The following DAPK2 variants were observed in gnomAD, a reference collection of about 807,000 sequenced individuals.
DAPK2 encodes death associated protein kinase 2, also known as death-associated protein kinase 2.
DAPK2 carries 35 observed loss-of-function variants against 44.1 expected under a neutral mutation model. The observed-to-expected ratio is 0.79, with a 90% CI of 0.61 to 1.05. DAPK2 has a LOEUF of 1.05. DAPK2 is among the 50% of genes least tolerant of loss of function. The probability of loss-of-function intolerance (pLI) is 0.00; values close to 1 mark genes in which losing one functional copy is unlikely to be tolerated. For synonymous variants in DAPK2, 174 were observed against 182.6 expected (o/e 0.95, Z 0.38); for missense variants, 453 against 483.2 (o/e 0.94, Z 0.59).
In DAPK2 at chr15:63,908,821, C is replaced by T; in HGVS notation, c.1033-221G>A. On this transcript the variant is annotated intron_variant, in intron 10 of 10. Transcript: ENST00000261891. The surrounding 1 kb of genome is among the most constrained non-coding windows in gnomAD (Gnocchi z 5.7). ...GCTTGGAGGAAGGAAAGCAGCAGGG[C>T]ATCTAAGGGAAACCAGACATCAGGA... is the stretch of plus-strand genomic sequence containing the variant. 1 of 393,270 alleles carries T rather than the reference C, an allele frequency of 2.5e-6. No homozygotes were observed. Among genetic ancestry groups the T allele is most frequent in the East Asian group, 4.1e-5 (1 of 24,188 alleles). The allele number at this position is 393,270 out of a possible 1,614,324, so 24.4% of individuals were successfully genotyped here.
intron 1 of DAPK2, among the ~76,000 whole-genome samples, chr15:64,025,777 A>T (rs2079822974): frequency 6.6e-6 from 1 of 152,256 alleles, no homozygotes; most frequent in Non-Finnish European, 1.5e-5. Flanking sequence ...AATTCAAAAT[A>T]TAATAATAAT....
chr15:63,918,221 T>C (rs2146539641), intron 8 of DAPK2: 1 of 152,472 alleles, frequency 6.6e-6, no homozygotes, highest in South Asian at 2.1e-4. Context: ...AGCCACCATC[T>C]TCATGATCAC....
At chr15:63,910,711 TTTTG>T (rs1359414496) in intron 10 of DAPK2, 6 of 152,212 alleles carry the variant, frequency 3.9e-5, no homozygotes, top group South Asian at 2.1e-4. Flanking sequence ...TGGCTAATTT[TTTTG>T]TTTGTTTGTT....
Position 64,013,405 on chromosome 15 carries a change from G to A in DAPK2, c.92+26765C>T, listed in dbSNP as rs1052052259. Among the ~76,000 whole-genome samples, 1 of 152,202 alleles carries A rather than the reference G, an allele frequency of 6.6e-6. No homozygotes were observed. The highest frequency in any genetic ancestry group is 1.5e-5 in the Non-Finnish European group (1 of 68,038). ...GAACTAACAGCTTAAACTACACTAC[G>A]TGCCTTTAAGACTTAGTAATTGGGC... On this transcript the variant is annotated intron_variant, in intron 1 of 10. Coordinates refer to ENST00000261891, the Ensembl canonical transcript of DAPK2. The surrounding 1 kb of genome is among the most constrained non-coding windows in gnomAD (Gnocchi z 4.7).
chr15:64,008,268 C>T (rs1034746473), intron 1 of DAPK2, among the ~76,000 whole-genome samples: 1 of 152,198 alleles, frequency 6.6e-6, no homozygotes, highest in Admixed American at 6.5e-5. Context: ...GTGATATCAA[C>T]TCTACCCTAT....
intron 1 of DAPK2, among the ~76,000 whole-genome samples, chr15:64,024,665 T>C (rs571521786): frequency 6.6e-6 from 1 of 152,278 alleles, no homozygotes; most frequent in East Asian, 1.9e-4. Context: ...GAGCCTATCC[T>C]TCTGCCTGGG....
intron 1 of DAPK2, chr15:63,991,149 A>G (rs1034315408): frequency 2.3e-6 from 1 of 438,392 alleles, no homozygotes; most frequent in African/African-American, 2.0e-5. Flanking sequence ...GTGAAGAAAT[A>G]TAACGTTATC....
intron 1 of DAPK2, among the ~76,000 whole-genome samples, chr15:64,003,420 C>T (rs1165293537): frequency 6.6e-6 from 1 of 152,250 alleles, no homozygotes; most frequent in African/African-American, 2.4e-5. Context: ...ACACACTTTG[C>T]AGACTGCAAA....
In DAPK2 at chr15:63,924,810, C is replaced by T; in HGVS notation, c.858+6G>A. The T allele has an allele frequency of 6.2e-7, 1 of 1,614,128 alleles. No homozygotes were observed. Among genetic ancestry groups the T allele is most frequent in the South Asian group, 1.1e-5 (1 of 91,078 alleles). On this transcript the variant is annotated splice_donor_region_variant and intron_variant, in intron 8 of 10. Transcript: ENST00000261891. ...TGCCCATTGGAACTCATGGCTGTGC[C>T]CTTACCGTGATCCAGGGGTGTCTGA...
intron 4 of DAPK2, among the ~76,000 whole-genome samples, chr15:63,933,702 G>A (rs376231017): frequency 1.7e-4 from 26 of 150,810 alleles, no homozygotes; most frequent in East Asian, 5.8e-4. Context: ...AGGGTTAAGC[G>A]ATCCTCTCAC....
chr15:63,952,225 G>A (rs1198201381), intron 3 of DAPK2, among the ~76,000 whole-genome samples: 1 of 152,216 alleles, frequency 6.6e-6, no homozygotes, highest in African/African-American at 2.4e-5. Flanking sequence ...GGGAGACAGA[G>A]TGAGATTCCA....
intron 4 of DAPK2, 60 bp from the exon 6 acceptor site, chr15:63,930,515 T>C (rs991854168): frequency 6.0e-6 from 9 of 1,492,290 alleles, no homozygotes; most frequent in East Asian, 2.3e-5. Context: ...GAGATGGTTT[T>C]AGGGAATTTT....
chr15:63,923,187 C>T lies in DAPK2; in HGVS notation c.858+1629G>A, dbSNP rs374823582. On this transcript the variant is annotated intron_variant, in intron 8 of 10. Transcript: ENST00000261891. This position sits in a 1 kb window ranked among gnomAD's most constrained non-coding sequence, Gnocchi z 4.2. ...CGGCATCCCAGGTCGACCCGAGCCA[C>T]GTCTTCCACCACACAGGCAAAACGC... 3.3e-6 allele frequency: 5 copies of T among 1,535,898 alleles called. No individual in the cohort carries two copies. The highest frequency in any genetic ancestry group is 2.7e-5 in the African/African-American group (2 of 73,138).
At position 63,925,998 on chromosome 15, in the gene DAPK2, C is replaced by A. The variant is rs114893434; in HGVS notation, c.755G>T (p.Ser252Ile). The change falls in exon 7 of 11, where the codon AGC becomes ATC. Residue 252 changes from serine (S) to isoleucine (I), a missense_variant. Coordinates refer to ENST00000261891, the Ensembl canonical transcript of DAPK2. Reference sequence around the variant, plus strand: ...GTCCTTGGCCAGCTCGCTCGTCTGGCTGAAGAATTCCTCATCAAAGTCGTA... The same window carrying A: ...GTCCTTGGCCAGCTCGCTCGTCTGGATGAAGAATTCCTCATCAAAGTCGTA... 356 of 1,614,204 alleles carry A rather than the reference C, an allele frequency of 2.2e-4. No homozygotes were observed. In the African/African-American group the frequency reaches 3.9e-3, roughly 18 times the overall value.
At chr15:63,973,317 A>G (rs1334863213) in intron 2 of DAPK2, among the ~76,000 whole-genome samples, 1 of 152,216 alleles carries the variant, frequency 6.6e-6, no homozygotes, top group Non-Finnish European at 1.5e-5. Context: ...GTGGGGGCCA[A>G]TGTTTGGAGA....
chr15:64,038,481 T>C (rs1429752790), intron 1 of DAPK2, among the ~76,000 whole-genome samples: 1 of 152,194 alleles, frequency 6.6e-6, no homozygotes, highest in African/African-American at 2.4e-5. Flanking sequence ...CCCCAGCCTC[T>C]GGTCCTATGT....
chr15:64,016,368 G>A (rs1050044235), intron 1 of DAPK2, among the ~76,000 whole-genome samples: 4 of 152,248 alleles, frequency 2.6e-5, no homozygotes, highest in African/African-American at 9.7e-5. Context: ...TTCTGGCTTT[G>A]GAGCCAAAGA....
chr15:63,960,854 C>CTAT (rs200595878), intron 3 of DAPK2, among the ~76,000 whole-genome samples: 54,911 of 151,786 alleles, frequency 0.36, 10,424 homozygotes, highest in Non-Finnish European at 0.41. Context: ...CTGTAGATGT[C>CTAT]TATTAGGTCT....
chr15:64,010,374 C>T (rs58572422), intron 1 of DAPK2, among the ~76,000 whole-genome samples: 5,834 of 152,232 alleles, frequency 0.038, 386 homozygotes, highest in African/African-American at 0.13. Flanking sequence ...CTCTCAATAA[C>T]AATAGTAATA....
Sources: gnomAD v4.1 joint callset for allele counts (sites outside exome capture counted in the v4.1 genomes callset) on GRCh38, gnomAD v4.1.1 for gene constraint, Gnocchi (gnomAD v3.1) non-coding constraint, MANE v1.5 for transcripts, NCBI Gene and HGNC (gene_info 2026-07-23, HGNC 2026-07-21) for gene names.